Variants in ZCWPW2 observed in about 807,000 individuals in gnomAD.
ZCWPW2 encodes zinc finger CW-type PWWP domain protein 2.
Under a neutral mutation model 46.6 loss-of-function variants are expected in ZCWPW2, and 45 were observed. That is an observed-to-expected ratio of 0.96 (90% CI 0.76 to 1.24). The LOEUF is 1.24. Among genes scored for constraint, ZCWPW2 ranks in the 50% most tolerant of loss-of-function variants. The pLI is 0.00. For synonymous variants in ZCWPW2, 152 were observed against 137.1 expected (o/e 1.11, Z -0.76); for missense variants, 429 against 403.9 (o/e 1.06, Z -0.53).
At chr3:28,453,420 G>GTGGC (rs1222677184) in intron 4 of ZCWPW2, among the ~76,000 whole-genome samples, 1 of 152,104 alleles carries the variant, frequency 6.6e-6, no homozygotes, top group Non-Finnish European at 1.5e-5. Flanking sequence ...AATGGAACAG[G>GTGGC]TGGCTACCTT....
intron 8 of ZCWPW2, among the ~76,000 whole-genome samples, chr3:28,519,027 A>T (rs1202420331): frequency 2.0e-5 from 3 of 152,224 alleles, no homozygotes; most frequent in Non-Finnish European, 4.4e-5. Context: ...TCCCCAGGTG[A>T]TTATTATGCC....
intron 1 of ZCWPW2, among the ~76,000 whole-genome samples, chr3:28,358,690 C>T (rs536533349): frequency 1.6e-4 from 24 of 152,142 alleles, no homozygotes; most frequent in South Asian, 1.0e-3. Flanking sequence ...GAATTCAAAG[C>T]GACACATTCC....
intron 3 of ZCWPW2, among the ~76,000 whole-genome samples, chr3:28,429,128 G>C (rs1232304846): frequency 6.6e-6 from 1 of 152,198 alleles, no homozygotes; most frequent in Non-Finnish European, 1.5e-5. Context: ...ATGTGGGAAA[G>C]TTTGGAACTT....
chr3:28,359,448 C>A (rs923614290), intron 1 of ZCWPW2, among the ~76,000 whole-genome samples: 1 of 151,740 alleles, frequency 6.6e-6, no homozygotes, highest in African/African-American at 2.4e-5. Context: ...ACTTACTTGA[C>A]AAAAATAGGC....
intron 4 of ZCWPW2, among the ~76,000 whole-genome samples, chr3:28,471,040 C>A (rs943998135): frequency 6.6e-6 from 1 of 152,172 alleles, no homozygotes; most frequent in East Asian, 1.9e-4. Flanking sequence ...GTACAACCTA[C>A]CAAGATTGCA....
At chr3:28,513,636 C>G (rs2125833185) in intron 6 of ZCWPW2, among the ~76,000 whole-genome samples, 1 of 152,190 alleles carries the variant, frequency 6.6e-6, no homozygotes, top group Non-Finnish European at 1.5e-5. Flanking sequence ...CTCCTTTGGC[C>G]CCTTATCCTG....
chr3:28,460,192 A>G (rs1698574434), intron 4 of ZCWPW2, among the ~76,000 whole-genome samples: 1 of 150,342 alleles, frequency 6.7e-6, no homozygotes, highest in Non-Finnish European at 1.5e-5. Context: ...TCTAGTGCCC[A>G]TTGCATTCTT....
chr3:28,407,240 T>C (rs2125735047), intron 2 of ZCWPW2, among the ~76,000 whole-genome samples: 1 of 152,320 alleles, frequency 6.6e-6, no homozygotes, highest in South Asian at 2.1e-4. Context: ...AGCCCTCTTA[T>C]TTTAAGAAAA....
chr3:28,510,754 C>A (rs2125831203), intron 6 of ZCWPW2, among the ~76,000 whole-genome samples: 1 of 152,222 alleles, frequency 6.6e-6, no homozygotes, highest in East Asian at 1.9e-4. Context: ...CCCACCAAAC[C>A]AAGAGGAACC....
rs1008769022 is a variant in ZCWPW2, at chr3:28,439,983, GT to G, written c.492+4722del. 2.0e-5 allele frequency among the ~76,000 whole-genome samples: 3 copies of G among 152,058 alleles called. No individual in the cohort carries two copies. The East Asian group carries it at 5.8e-4, about 29-fold the overall frequency. ...TCAGCAAGCATCTTGGCAGGTCATG[GT>G]TTTTTTTCCTGGTGAAGTGACCAAA... On this transcript the variant is annotated intron_variant, in intron 4 of 9. Coordinates refer to ENST00000383768, the MANE Select transcript of ZCWPW2 (RefSeq NM_001040432.4).
chr3:28,521,963 AT>A (rs1419548837), intron 9 of ZCWPW2, among the ~76,000 whole-genome samples: 1 of 152,180 alleles, frequency 6.6e-6, no homozygotes, highest in Non-Finnish European at 1.5e-5. Context: ...GACTTATGTA[AT>A]TTGAAAAAGT....
intron 3 of ZCWPW2, 69 bp downstream of exon 3, chr3:28,413,469 T>C: frequency 3.1e-6 from 4 of 1,302,522 alleles, no homozygotes; most frequent in Non-Finnish European, 4.2e-6. Context: ...TAAAAATCTT[T>C]TTGAAGACTA....
intron 3 of ZCWPW2, among the ~76,000 whole-genome samples, chr3:28,425,614 C>CA (rs1034123016): frequency 6.6e-6 from 1 of 152,088 alleles, no homozygotes; most frequent in Admixed American, 6.5e-5. Context: ...TATTCTTTCT[C>CA]AAAAAAGTTG....
chr3:28,369,302 CT>C (rs1391071617), intron 1 of ZCWPW2, among the ~76,000 whole-genome samples: 1 of 152,134 alleles, frequency 6.6e-6, no homozygotes. Flanking sequence ...TACCTTTGGT[CT>C]TTGATGATGG....
At chr3:28,447,801 C>G in intron 4 of ZCWPW2, 1 of 845,552 alleles carries the variant, frequency 1.2e-6, no homozygotes, top group Admixed American at 1.7e-5. Context: ...TCCTGAACCC[C>G]TGGCAATAGA....
intron 2 of ZCWPW2, 82 bp downstream of exon 2, chr3:28,390,699 T>C: frequency 1.1e-6 from 1 of 946,984 alleles, no homozygotes; most frequent in Non-Finnish European, 1.3e-6. Flanking sequence ...ATTGCATATA[T>C]GCAATTTTAA....
At chr3:28,395,041 A>T (rs1695641815) in intron 2 of ZCWPW2, among the ~76,000 whole-genome samples, 1 of 152,138 alleles carries the variant, frequency 6.6e-6, no homozygotes, top group Non-Finnish European at 1.5e-5. Context: ...TTTGTAAGGA[A>T]TTCATACAAT....
intron 6 of ZCWPW2, among the ~76,000 whole-genome samples, chr3:28,496,490 A>T (rs898958777): frequency 6.6e-6 from 1 of 152,080 alleles, no homozygotes; most frequent in Non-Finnish European, 1.5e-5. Flanking sequence ...CTCTAGCCAC[A>T]TGGAACTTTT....
intron 1 of ZCWPW2, among the ~76,000 whole-genome samples, chr3:28,357,729 T>A (rs1278323627): frequency 6.6e-6 from 1 of 151,122 alleles, no homozygotes; most frequent in East Asian, 1.9e-4. Flanking sequence ...ATATGACAGA[T>A]CATGGGAGTT....
Sources: gnomAD v4.1 joint callset for allele counts (sites outside exome capture counted in the v4.1 genomes callset) on GRCh38, gnomAD v4.1.1 for gene constraint, MANE v1.5 for transcripts, NCBI Gene and HGNC (gene_info 2026-07-23, HGNC 2026-07-21) for gene names.